ABLIM1: variants seen among roughly 807,000 people sequenced by gnomAD.
The protein encoded by ABLIM1 is actin-binding LIM protein 1.
Under a neutral mutation model 107.0 loss-of-function variants are expected in ABLIM1, and 40 were observed. That is an observed-to-expected ratio of 0.37 (90% confidence interval 0.29 to 0.49). The LOEUF is 0.49. ABLIM1 is among the 20% of genes least tolerant of loss of function. ABLIM1 has a pLI of 0.97. For synonymous variants in ABLIM1, 357 were observed against 357.3 expected, an observed-to-expected ratio of 1.00 and a Z score of 0.01; for missense variants, 857 against 1,008.5, an observed-to-expected ratio of 0.85 and a Z score of 2.04.
Position 114,718,120 on chromosome 10 carries a change from AAAAAGAAAG to A in ABLIM1, c.-213+49932_-213+49940del, listed in dbSNP as rs1049493727. On this transcript the variant is annotated intron_variant, in intron 1 of 15. Coordinates refer to the ABLIM1 transcript ENST00000651092. ...AAAAGAAAAAGAAAAAGAAAGAAAG[AAAAAGAAAG>A]AAAAGAAAGAAAGAAAGAGAAAAAA... Among the ~76,000 whole-genome samples, 6 of 125,486 alleles carry A rather than the reference AAAAAGAAAG, an allele frequency of 4.8e-5. 2 individuals are homozygous for A. The highest frequency in any genetic ancestry group is 7.8e-5 in the Non-Finnish European group (4 of 51,542). 82.3% of individuals were successfully genotyped at this position (125,486 alleles called of 152,430 possible).
At chr10:114,486,616 T>C (rs1308689850) in intron 8 of ABLIM1, among the ~76,000 whole-genome samples, 1 of 152,172 alleles carries the variant, frequency 6.6e-6, no homozygotes, top group Non-Finnish European at 1.5e-5. Context: ...CAGGACTCTG[T>C]GTGTCAAAAA....
intron 4 of ABLIM1, among the ~76,000 whole-genome samples, chr10:114,564,679 A>G (rs2070394292): frequency 6.6e-6 from 1 of 152,186 alleles, no homozygotes; most frequent in Non-Finnish European, 1.5e-5. Context: ...TCCAATTTAC[A>G]GACGAGGGCG....
At chr10:114,526,666 C>T (rs1031657866) in intron 6 of ABLIM1, 1 of 985,426 alleles carries the variant, frequency 1.0e-6, no homozygotes, top group Non-Finnish European at 1.2e-6. Flanking sequence ...TTACCTCAGG[C>T]CAGGGTTCCT....
In ABLIM1 at chr10:114,450,431, C is replaced by CTTTTTTTTTTTTTTTTTTTTTT. The variant is rs1388877039; in HGVS notation, c.1594+1192_1594+1193insAAAAAAAAAAAAAAAAAAAAAA. ...ACATCGTCCTAATTCTTCTTTCTTT[C>CTTTTTTTTTTTTTTTTTTTTTT]TTTCTTTTTTTTTTTTTTTTTGGCG... On this transcript the variant is annotated intron_variant, in intron 14 of 22. Coordinates refer to ENST00000533213, the MANE Select transcript of ABLIM1 (RefSeq NM_002313.7). Among the ~76,000 whole-genome samples the CTTTTTTTTTTTTTTTTTTTTTT allele has an allele frequency of 1.5e-5, 2 of 136,390 alleles. 1 individual carries two copies. Among genetic ancestry groups the CTTTTTTTTTTTTTTTTTTTTTT allele is most frequent in the African/African-American group, 5.8e-5 (2 of 34,540 alleles). 89.5% of individuals were successfully genotyped at this position (136,390 alleles called of 152,430 possible).
chr10:114,567,385 T>C (rs1252432596), intron 4 of ABLIM1, among the ~76,000 whole-genome samples: 2 of 152,206 alleles, frequency 1.3e-5, no homozygotes, highest in African/African-American at 4.8e-5. Context: ...GGGATAGTAT[T>C]AGTGCCAAGC....
At chr10:114,676,231 C>T (rs1240026687) in intron 1 of ABLIM1, among the ~76,000 whole-genome samples, 1 of 152,198 alleles carries the variant, frequency 6.6e-6, no homozygotes, top group Non-Finnish European at 1.5e-5. Flanking sequence ...CTAATCACAG[C>T]ACTTTGGGAG....
the ABLIM1 span, among the ~76,000 whole-genome samples, chr10:114,799,020 A>G: frequency 6.6e-6 from 1 of 151,982 alleles, no homozygotes; most frequent in East Asian, 1.9e-4. Flanking sequence ...GGATGGTCTC[A>G]ATCTTTTGAC....
At chr10:114,751,021 A>G (rs2082498886) in intron 1 of ABLIM1, among the ~76,000 whole-genome samples, 1 of 152,266 alleles carries the variant, frequency 6.6e-6, no homozygotes, top group Non-Finnish European at 1.5e-5. Context: ...AAGAGAAAGA[A>G]AAAATATTCA....
intron 4 of ABLIM1, among the ~76,000 whole-genome samples, chr10:114,554,185 T>C (rs1398606063): frequency 1.3e-5 from 2 of 152,098 alleles, no homozygotes; most frequent in Non-Finnish European, 2.9e-5. Context: ...TAACACCTTG[T>C]CCCCTCAACT....
At chr10:114,735,117 G>A (rs2082152234) in intron 1 of ABLIM1, among the ~76,000 whole-genome samples, 1 of 152,042 alleles carries the variant, frequency 6.6e-6, no homozygotes, top group South Asian at 2.1e-4. Context: ...ATAGATTCTT[G>A]AGTCCCTGAC....
chr10:114,690,595 G>T, intron 1 of ABLIM1: 4 of 859,568 alleles, frequency 4.7e-6, no homozygotes, highest in South Asian at 1.3e-5. Flanking sequence ...CAGCCCAAGG[G>T]CTCACCATTG....
intron 1 of ABLIM1, among the ~76,000 whole-genome samples, chr10:114,736,877 G>T (rs808336): frequency 0.083 from 12,694 of 152,148 alleles, 594 homozygotes; most frequent in Middle Eastern, 0.18. Context: ...ACAGAAAACA[G>T]ACAGGCTATG....
At chr10:114,666,741 T>G (rs1385999243) in intron 1 of ABLIM1, among the ~76,000 whole-genome samples, 2 of 152,196 alleles carry the variant, frequency 1.3e-5, no homozygotes, top group African/African-American at 4.8e-5. Context: ...AAGGGCTTCA[T>G]AAATGTTAAT....
intron 5 of ABLIM1, 161 bp downstream of exon 5, chr10:114,547,489 A>T: frequency 3.4e-6 from 3 of 890,474 alleles, no homozygotes; most frequent in South Asian, 1.8e-5. Context: ...AAAAGAATAC[A>T]ATTCTTTTCA....
intron 2 of ABLIM1, among the ~76,000 whole-genome samples, chr10:114,586,217 C>A (rs914449737): frequency 6.6e-6 from 1 of 151,974 alleles, no homozygotes; most frequent in African/African-American, 2.4e-5. Flanking sequence ...TCAACTCTTT[C>A]AGCAACTGAA....
intron 6 of ABLIM1, among the ~76,000 whole-genome samples, chr10:114,543,739 C>G (rs1296784625): frequency 6.6e-6 from 1 of 152,190 alleles, no homozygotes; most frequent in Non-Finnish European, 1.5e-5. Flanking sequence ...CTCTTGGGAC[C>G]CTGCCCACTT....
In ABLIM1 at chr10:114,434,267, T is replaced by C. The variant is rs2059146102; in HGVS notation, c.*1993A>G. On this transcript the variant is annotated 3_prime_UTR_variant, in exon 23 of 23. Coordinates refer to ENST00000533213, the MANE Select transcript of ABLIM1 (RefSeq NM_002313.7). ...CCCTGTCAGAGCCATTTGCTAAACA[T>C]GTTAGTAGATCCAACACACACACAC... The C allele has an allele frequency of 6.7e-6, 1 of 148,616 alleles. No individual in the cohort carries two copies. The highest frequency in any genetic ancestry group is 1.5e-5 in the Non-Finnish European group (1 of 68,668). 9.2% of individuals were successfully genotyped at this position (148,616 alleles called of 1,614,324 possible). A position where few individuals can be genotyped will look rare whatever the true frequency, so the allele number is the denominator to read the frequency against.
chr10:114,634,129 C>CTTTTTTTTTTTTTTTTTTTTTTTTT lies in ABLIM1; in HGVS notation c.244+23827_244+23828insAAAAAAAAAAAAAAAAAAAAAAAAA, dbSNP rs745875295. ...CGTAAATGCCATTAGCTCAATTTTTCTTTTTTTTTTTTTTTTTTTTTGAGA... is the reference window on the plus strand; with the variant it reads ...CGTAAATGCCATTAGCTCAATTTTTCTTTTTTTTTTTTTTTTTTTTTTTTTTTTTTTTTTTTTTTTTTTTTTGAGA... On this transcript the variant is annotated intron_variant, in intron 1 of 22. Transcript: ENST00000533213. Among the ~76,000 whole-genome samples, 6 of 68,288 alleles carry CTTTTTTTTTTTTTTTTTTTTTTTTT rather than the reference C, an allele frequency of 8.8e-5. 1 individual carries two copies. Among genetic ancestry groups the CTTTTTTTTTTTTTTTTTTTTTTTTT allele is most frequent in the Admixed American group, 2.0e-4 (1 of 5,054 alleles). The allele number at this position is 68,288 out of a possible 152,430, so 44.8% of individuals were successfully genotyped here.
At chr10:114,541,226 C>T (rs182799989) in intron 6 of ABLIM1, among the ~76,000 whole-genome samples, 18 of 151,618 alleles carry the variant, frequency 1.2e-4, no homozygotes, top group Admixed American at 8.5e-4. Flanking sequence ...TGCTTTCAGA[C>T]GTCTAACCTC....
Sources: gnomAD v4.1 joint callset for allele counts (sites outside exome capture counted in the v4.1 genomes callset) on GRCh38, gnomAD v4.1.1 for gene constraint, MANE v1.5 for transcripts, NCBI Gene and HGNC (gene_info 2026-07-23, HGNC 2026-07-21) for gene names.